Variants in SCAMP1 observed in about 807,000 individuals in gnomAD.
SCAMP1 encodes the protein secretory carrier-associated membrane protein 1.
A neutral mutation model predicts 41.8 loss-of-function variants in SCAMP1; 15 were observed. That is an observed-to-expected ratio of 0.36 (90% confidence interval 0.24 to 0.55). The LOEUF (loss-of-function observed/expected upper bound fraction) is 0.55. Among genes scored for constraint, SCAMP1 ranks in the 20% least tolerant of loss-of-function variants. The pLI, the probability that SCAMP1 is intolerant of heterozygous loss-of-function variation, is 0.86. For missense variants in SCAMP1, 341 were observed against 412.6 expected (o/e 0.83, Z 1.50); for synonymous variants, 135 against 136.8 (o/e 0.99, Z 0.09).
At chr5:78,391,791 G>T (rs916374420) in intron 2 of SCAMP1, among the ~76,000 whole-genome samples, 2 of 152,212 alleles carry the variant, frequency 1.3e-5, no homozygotes, top group Admixed American at 6.5e-5. Context: ...GATCACTTGC[G>T]GTTAGGAGCT....
At chr5:78,424,498 G>A (rs929439324) in intron 6 of SCAMP1, among the ~76,000 whole-genome samples, 1 of 152,168 alleles carries the variant, frequency 6.6e-6, no homozygotes, top group African/African-American at 2.4e-5. Flanking sequence ...GGGAGGCAGA[G>A]GCTGGCGGAT....
intron 4 of SCAMP1, among the ~76,000 whole-genome samples, chr5:78,417,662 A>G (rs1160602512): frequency 6.6e-6 from 1 of 152,208 alleles, no homozygotes; most frequent in East Asian, 1.9e-4. Context: ...CATTTTACAG[A>G]TATGGAAACT....
chr5:78,420,260 GA>G (rs1752310360), intron 5 of SCAMP1, among the ~76,000 whole-genome samples: 1 of 152,104 alleles, frequency 6.6e-6, no homozygotes, highest in Non-Finnish European at 1.5e-5. Flanking sequence ...TAATTTTCAT[GA>G]ACTTTAAAGT....
At chr5:78,460,379 A>G (rs536671164) in intron 8 of SCAMP1, among the ~76,000 whole-genome samples, 43 of 152,360 alleles carry the variant, frequency 2.8e-4, no homozygotes, top group Non-Finnish European at 6.0e-4. Context: ...TCAACGGTAT[A>G]TAAGCATTCC....
At position 78,396,774 on chromosome 5, in the gene SCAMP1, G is replaced by A. The variant is rs114575820; in HGVS notation, c.135+7860G>A. ...GAAGAAACAACTTAGTGTTCTGAAA[G>A]CCAAGTGAAGAAAGTGTTTCAATAA... On this transcript the variant is annotated intron_variant, in intron 2 of 8. Coordinates refer to ENST00000621999, the MANE Select transcript of SCAMP1 (RefSeq NM_004866.6). Among the ~76,000 whole-genome samples, 1,129 of 152,254 alleles carry A rather than the reference G, an allele frequency of 7.4e-3. 17 individuals carry two copies. Among genetic ancestry groups the A allele is most frequent in the African/African-American group, 0.025 (1,045 of 41,534 alleles).
rs80261145 is a variant in SCAMP1, at chr5:78,448,707, G to A, written c.633-1226G>A. On this transcript the variant is annotated intron_variant, in intron 6 of 8. Transcript: ENST00000621999. ...CATGTACTGCCAGTGGGGATGAAAA[G>A]TAGAACAACCAGGCTGGGCACAGTG... 2.7e-3 allele frequency among the ~76,000 whole-genome samples: 416 copies of A among 152,314 alleles called. 3 individuals are homozygous for A. Among genetic ancestry groups the A allele is most frequent in the African/African-American group, 9.4e-3 (390 of 41,578 alleles).
intron 2 of SCAMP1, among the ~76,000 whole-genome samples, chr5:78,403,923 C>T (rs1243543970): frequency 5.0e-5 from 6 of 119,028 alleles, no homozygotes; most frequent in African/African-American, 3.2e-5. Context: ...CAAGATCGTG[C>T]CTAGGGGACA....
chr5:78,382,357 A>AT (rs1218679810), intron 1 of SCAMP1, among the ~76,000 whole-genome samples: 3 of 152,150 alleles, frequency 2.0e-5, no homozygotes, highest in Non-Finnish European at 2.9e-5. Flanking sequence ...TTTTGTTGAG[A>AT]TATTCATTAT....
At chr5:78,405,184 TA>T (rs1751902048) in intron 2 of SCAMP1, among the ~76,000 whole-genome samples, 1 of 152,222 alleles carries the variant, frequency 6.6e-6, no homozygotes, top group African/African-American at 2.4e-5. Flanking sequence ...GGTGGAGTGG[TA>T]AATTCTAAAC....
intron 6 of SCAMP1, among the ~76,000 whole-genome samples, chr5:78,434,185 G>A (rs79344760): frequency 0.033 from 4,956 of 152,260 alleles, 256 homozygotes; most frequent in African/African-American, 0.11. Flanking sequence ...TACCCATGTA[G>A]CTTTGGCTCC....
chr5:78,378,324 G>C (rs1394932556), intron 1 of SCAMP1, among the ~76,000 whole-genome samples: 5 of 152,206 alleles, frequency 3.3e-5, no homozygotes, highest in Non-Finnish European at 7.3e-5. Flanking sequence ...ACAGGAGACT[G>C]AGCTTGATTA....
chr5:78,402,439 T>C (rs1452324204), intron 2 of SCAMP1, among the ~76,000 whole-genome samples: 1 of 152,200 alleles, frequency 6.6e-6, no homozygotes, highest in Non-Finnish European at 1.5e-5. Flanking sequence ...ACTATAATAG[T>C]AGTTTCATCT....
intron 2 of SCAMP1, among the ~76,000 whole-genome samples, chr5:78,403,336 C>G (rs1003022785): frequency 1.3e-5 from 2 of 152,104 alleles, no homozygotes; most frequent in African/African-American, 4.8e-5. Context: ...TGATTCCTCC[C>G]TCCCATCTTT....
rs574307349 is a variant in SCAMP1, at chr5:78,421,066, A to G, written c.473-735A>G. Among the ~76,000 whole-genome samples the G allele has an allele frequency of 2.6e-5, 4 of 152,338 alleles. No homozygotes were observed. In the South Asian group the frequency reaches 6.2e-4, roughly 24 times the overall value. On this transcript the variant is annotated intron_variant, in intron 5 of 8. Coordinates refer to ENST00000621999, the MANE Select transcript of SCAMP1 (RefSeq NM_004866.6). ...TTACAATGGGTCAAAGTAGTTCTTT[A>G]GGATCATGGTATAGTTAGATGTTAC...
intron 5 of SCAMP1, among the ~76,000 whole-genome samples, 160 bp downstream of exon 5, chr5:78,419,063 T>C (rs555453236): frequency 6.6e-6 from 1 of 152,326 alleles, no homozygotes; most frequent in African/African-American, 2.4e-5. Context: ...ATTTAGGTAC[T>C]TCAGAATTGT....
chr5:78,470,820 G>A (rs774408122), intron 8 of SCAMP1, among the ~76,000 whole-genome samples: 7 of 152,154 alleles, frequency 4.6e-5, no homozygotes, highest in South Asian at 2.1e-4. Flanking sequence ...GTGATTTTCC[G>A]TTTTTCTCAT....
intron 8 of SCAMP1, among the ~76,000 whole-genome samples, chr5:78,460,495 C>G (rs1290757345): frequency 6.6e-6 from 1 of 152,022 alleles, no homozygotes. Flanking sequence ...TTGCATTTCT[C>G]TGATTGGTGA....
At chr5:78,460,168 G>A (rs1208727164) in intron 8 of SCAMP1, among the ~76,000 whole-genome samples, 1 of 152,184 alleles carries the variant, frequency 6.6e-6, no homozygotes, top group African/African-American at 2.4e-5. Context: ...GGACGCTTAG[G>A]TTGATTCTGT....
intron 8 of SCAMP1, among the ~76,000 whole-genome samples, chr5:78,469,655 C>CT (rs1561290770): frequency 2.6e-5 from 4 of 151,750 alleles, no homozygotes; most frequent in Non-Finnish European, 4.4e-5. Flanking sequence ...TCATGTGGCA[C>CT]TTTCATCTAA....
Sources: gnomAD v4.1 joint callset for allele counts (sites outside exome capture counted in the v4.1 genomes callset) on GRCh38, gnomAD v4.1.1 for gene constraint, MANE v1.5 for transcripts, NCBI Gene and HGNC (gene_info 2026-07-23, HGNC 2026-07-21) for gene names.